The following EBF1 variants were observed in gnomAD, a reference collection of about 807,000 sequenced individuals.
The protein encoded by EBF1 is EBF transcription factor 1.
Under a neutral mutation model 68.4 loss-of-function variants are expected in EBF1, and 10 were observed. The observed-to-expected ratio is 0.15, with a 90% CI of 0.09 to 0.25. The LOEUF (loss-of-function observed/expected upper bound fraction) is 0.25. EBF1 is among the 10% of genes least tolerant of loss of function. The pLI, the probability that EBF1 is intolerant of heterozygous loss-of-function variation, is 1.00. For synonymous variants in EBF1, 298 were observed against 299.8 expected, an observed-to-expected ratio of 0.99 and a Z score of 0.06; for missense variants, 509 against 794.4, an observed-to-expected ratio of 0.64 and a Z score of 4.32.
At chr5:158,883,361 T>TAC (rs1242146663) in intron 6 of EBF1, among the ~76,000 whole-genome samples, 2 of 129,528 alleles carry the variant, frequency 1.5e-5, no homozygotes, top group East Asian at 2.1e-4. Flanking sequence ...TATATATATA[T>TAC]ACACATACAT....
intron 10 of EBF1, among the ~76,000 whole-genome samples, chr5:158,775,745 AACACACAC>A (rs3220206): frequency 1.3e-4 from 18 of 137,638 alleles, no homozygotes; most frequent in East Asian, 2.1e-4. Context: ...AGACTTGTAA[AACACACAC>A]ACACACACAC....
intron 10 of EBF1, among the ~76,000 whole-genome samples, chr5:158,769,136 T>C (rs1047299614): frequency 6.6e-6 from 1 of 152,196 alleles, no homozygotes. Context: ...ATGCCTTAGA[T>C]TGGACCAGCT....
intron 6 of EBF1, among the ~76,000 whole-genome samples, chr5:158,990,087 G>A (rs1416536043): frequency 6.6e-6 from 1 of 152,208 alleles, no homozygotes; most frequent in Non-Finnish European, 1.5e-5. Flanking sequence ...AGCGAAATGT[G>A]AACCTCCTGC....
intron 15 of EBF1, among the ~76,000 whole-genome samples, chr5:158,707,068 C>T (rs1451529682): frequency 6.6e-6 from 1 of 152,188 alleles, no homozygotes; most frequent in Non-Finnish European, 1.5e-5. Context: ...GAATTTGAAG[C>T]CAGCTTCTGC....
intron 11 of EBF1, among the ~76,000 whole-genome samples, chr5:158,720,094 T>G (rs775092528): frequency 6.6e-6 from 1 of 152,126 alleles, no homozygotes; most frequent in East Asian, 1.9e-4. Flanking sequence ...CAACACACAA[T>G]GAAGTGAAAT....
chr5:158,746,212 G>T (rs1049951558), intron 10 of EBF1, among the ~76,000 whole-genome samples: 14 of 152,192 alleles, frequency 9.2e-5, no homozygotes, highest in African/African-American at 3.4e-4. Context: ...CACAGCACAA[G>T]ATGAAGCAAA....
At chr5:158,755,176 T>G (rs976030061) in intron 10 of EBF1, among the ~76,000 whole-genome samples, 1 of 147,758 alleles carries the variant, frequency 6.8e-6, no homozygotes, top group African/African-American at 2.5e-5. Flanking sequence ...ATTGTTTTGT[T>G]TTTTTTTCAC....
intron 11 of EBF1, among the ~76,000 whole-genome samples, chr5:158,730,630 G>A (rs1383818024): frequency 6.6e-6 from 1 of 152,156 alleles, no homozygotes; most frequent in African/African-American, 2.4e-5. Context: ...GACTAAGTAC[G>A]GATCCTCGTA....
chr5:158,924,133 G>A (rs1029389879), intron 6 of EBF1, among the ~76,000 whole-genome samples: 3 of 152,144 alleles, frequency 2.0e-5, no homozygotes, highest in Non-Finnish European at 4.4e-5. Context: ...TCACCCTGGG[G>A]CTCAGGCAGC....
intron 6 of EBF1, among the ~76,000 whole-genome samples, chr5:158,842,766 C>A (rs759331711): frequency 1.3e-5 from 2 of 152,210 alleles, no homozygotes; most frequent in African/African-American, 4.8e-5. Flanking sequence ...AAGAACAAAT[C>A]TGTTTTCTCA....
At chr5:159,075,513 T>C (rs1778606984) in intron 5 of EBF1, among the ~76,000 whole-genome samples, 1 of 152,192 alleles carries the variant, frequency 6.6e-6, no homozygotes, top group African/African-American at 2.4e-5. Flanking sequence ...CTCCAGGAAC[T>C]CCTCCAACCT....
Position 158,796,411 on chromosome 5 carries a change from G to C in EBF1, c.843C>G (p.Ile281Met). 6.2e-7 allele frequency: 1 copy of C among 1,613,752 alleles called. No homozygotes were observed. Among genetic ancestry groups the C allele is most frequent in the Non-Finnish European group, 8.5e-7 (1 of 1,179,758 alleles). The change falls in exon 9 of 16, where the codon ATC becomes ATG. Residue 281 changes from isoleucine (I) to methionine (M), a missense_variant. Physicochemically the swap from Ile to Met is conservative, Grantham distance 10 (BLOSUM62 1). Transcript: ENST00000313708. ...CATCAAAGAAATTGTCCCCTATGATGATCACAGTCGCACCTCCCGTCGTCC... is the reference window on the plus strand; with the variant it reads ...CATCAAAGAAATTGTCCCCTATGATCATCACAGTCGCACCTCCCGTCGTCC... ...EGWTTGGATV[I>M]IIGDNFFDGL... is the part of the protein sequence containing the mutation.
chr5:158,915,622 C>A (rs1002518623), intron 6 of EBF1, among the ~76,000 whole-genome samples: 1 of 152,236 alleles, frequency 6.6e-6, no homozygotes, highest in South Asian at 2.1e-4. Flanking sequence ...AGTTATGGCA[C>A]AAACAGTAAG....
chr5:159,027,646 A>C (rs939325552), intron 6 of EBF1, among the ~76,000 whole-genome samples: 2 of 152,216 alleles, frequency 1.3e-5, no homozygotes, highest in African/African-American at 4.8e-5. Flanking sequence ...TTCAGATCAC[A>C]CTATCCCAAA....
chr5:158,853,002 C>T (rs901544980), intron 6 of EBF1, among the ~76,000 whole-genome samples: 1 of 152,136 alleles, frequency 6.6e-6, no homozygotes, highest in East Asian at 1.9e-4. Flanking sequence ...TCCAGATATT[C>T]TTAACCTGCA....
At chr5:158,891,972 G>T (rs1801267267) in intron 6 of EBF1, among the ~76,000 whole-genome samples, 1 of 151,986 alleles carries the variant, frequency 6.6e-6, no homozygotes, top group Admixed American at 6.6e-5. Context: ...TGTTCTATAT[G>T]CACAGTCAAC....
chr5:158,736,944 A>G (rs1438437214), intron 10 of EBF1, among the ~76,000 whole-genome samples: 1 of 152,222 alleles, frequency 6.6e-6, no homozygotes, highest in African/African-American at 2.4e-5. Context: ...AGCCATTTGG[A>G]TATTTCATTA....
At chr5:159,096,837 G>T in intron 2 of EBF1, 137 bp downstream of exon 2, 1 of 1,169,480 alleles carries the variant, frequency 8.6e-7, no homozygotes, top group Non-Finnish European at 1.2e-6. Flanking sequence ...TCTGGGATGG[G>T]AAGTGGCTTG....
intron 11 of EBF1, among the ~76,000 whole-genome samples, chr5:158,720,749 C>T (rs1761769537): frequency 1.3e-5 from 2 of 152,104 alleles, no homozygotes; most frequent in African/African-American, 4.8e-5. Flanking sequence ...AAGGGGCATT[C>T]TCATTATAGC....
Sources: allele counts gnomAD v4.1 joint callset (sites outside exome capture counted in the v4.1 genomes callset), GRCh38; gene constraint gnomAD v4.1.1; transcripts MANE v1.5; gene names NCBI Gene and HGNC (gene_info 2026-07-23, HGNC 2026-07-21).